The following FGF14 variants were observed in gnomAD, a reference collection of about 807,000 sequenced individuals.
FGF14 encodes the protein fibroblast growth factor homologous factor 4.
FGF14 carries 5 observed loss-of-function variants against 25.5 expected under a neutral mutation model. The ratio of observed to expected loss-of-function variants is 0.20; its 90% confidence interval spans 0.10 to 0.41. The LOEUF is 0.41. FGF14 is among the 10% of genes least tolerant of loss of function. The probability of loss-of-function intolerance (pLI) is 1.00; values close to 1 mark genes in which losing one functional copy is unlikely to be tolerated. For synonymous variants in FGF14, 138 were observed against 118.3 expected (o/e 1.17, Z -1.08); for missense variants, 222 against 320.1 (o/e 0.69, Z 2.34).
chr13:102,166,718 G>A (rs1343178413), intron 1 of FGF14, among the ~76,000 whole-genome samples: 1 of 152,148 alleles, frequency 6.6e-6, no homozygotes, highest in Non-Finnish European at 1.5e-5. Context: ...CGCTGGTCAT[G>A]AGTTCAATGC....
intron 3 of FGF14, among the ~76,000 whole-genome samples, chr13:101,750,561 A>G (rs967786222): frequency 6.6e-6 from 1 of 152,198 alleles, no homozygotes; most frequent in Non-Finnish European, 1.5e-5. Context: ...AATATTGTGA[A>G]TAACAGGAGT....
rs2033578702 is a variant in FGF14 at position 101,916,933 on chromosome 13, G to A, written c.-288C>T. On this transcript the variant is annotated 5_prime_UTR_variant, in exon 1 of 5. Transcript: ENST00000376143. ...CTTGGCCACGTCCGAGTGGAGAGCGGGACCGCGGCTGCGGGCGCTGCTGGT... is the reference window on the plus strand; with the variant it reads ...CTTGGCCACGTCCGAGTGGAGAGCGAGACCGCGGCTGCGGGCGCTGCTGGT... Among the ~76,000 whole-genome samples, 1 of 151,974 alleles carries A rather than the reference G, an allele frequency of 6.6e-6. No homozygotes were observed. The highest frequency in any genetic ancestry group is 2.4e-5 in the African/African-American group (1 of 41,442).
chr13:101,777,882 T>G (rs986485002), intron 3 of FGF14, among the ~76,000 whole-genome samples: 1 of 152,030 alleles, frequency 6.6e-6, no homozygotes, highest in African/African-American at 2.4e-5. Context: ...GAGAATCGCT[T>G]GAACCCAGGA....
intron 1 of FGF14, among the ~76,000 whole-genome samples, chr13:102,257,337 C>CTTTTATTTTT (rs2052492542): frequency 1.2e-4 from 3 of 25,016 alleles, no homozygotes; most frequent in East Asian, 2.2e-3. Context: ...CATTTCCTTT[C>CTTTTATTTTT]TTTTCTTTTT....
intron 1 of FGF14, among the ~76,000 whole-genome samples, chr13:102,226,993 C>T (rs925956753): frequency 6.6e-6 from 1 of 152,060 alleles, no homozygotes; most frequent in Non-Finnish European, 1.5e-5. Context: ...ATTTCCTCCC[C>T]CAATATACAT....
chr13:101,928,024 TA>T (rs930327620), intron 1 of FGF14, among the ~76,000 whole-genome samples: 3 of 151,858 alleles, frequency 2.0e-5, no homozygotes, highest in African/African-American at 7.3e-5. Context: ...TCAAAATATC[TA>T]AAAAAAATAG....
chr13:101,752,865 A>T (rs1183161626), intron 3 of FGF14, among the ~76,000 whole-genome samples: 1 of 152,214 alleles, frequency 6.6e-6, no homozygotes, highest in African/African-American at 2.4e-5. Context: ...TTGGAAAAAG[A>T]AAATAGTTTC....
intron 1 of FGF14, among the ~76,000 whole-genome samples, chr13:102,084,265 A>C (rs781765098): frequency 3.9e-5 from 6 of 152,080 alleles, no homozygotes; most frequent in Admixed American, 6.6e-5. Context: ...ATTTTTTAAC[A>C]TACTCTATTG....
At chr13:102,010,986 G>A (rs559622970) in intron 1 of FGF14, among the ~76,000 whole-genome samples, 1 of 152,122 alleles carries the variant, frequency 6.6e-6, no homozygotes, top group Non-Finnish European at 1.5e-5. Context: ...TAAGAACTGA[G>A]TATATTTAGA....
intron 1 of FGF14, among the ~76,000 whole-genome samples, chr13:102,239,087 C>A (rs201287625): frequency 1.4e-5 from 2 of 142,864 alleles, no homozygotes; most frequent in South Asian, 4.5e-4. Flanking sequence ...TAAAAAAAAA[C>A]AAAAAACAAA....
intron 3 of FGF14, among the ~76,000 whole-genome samples, chr13:101,739,728 G>C (rs2036420811): frequency 6.6e-6 from 1 of 152,130 alleles, no homozygotes; most frequent in Admixed American, 6.5e-5. Flanking sequence ...TGAAACCAGT[G>C]GTCACATTAA....
rs2044823569 is a variant in FGF14, at chr13:101,868,004, T to G, written c.408+721A>C. On this transcript the variant is annotated intron_variant, in intron 3 of 4. Coordinates refer to ENST00000376143, the MANE Select transcript of FGF14 (RefSeq NM_004115.4). ...GTGGTGATATTTAACAATGACAGAG[T>G]TTCAACGAATTTACATGAGGATGAC... is the stretch of plus-strand genomic sequence containing the variant. Among the ~76,000 whole-genome samples the G allele has an allele frequency of 2.0e-5, 3 of 151,312 alleles. No homozygotes were observed. In the South Asian group the frequency reaches 6.3e-4, roughly 32 times the overall value.
chr13:101,836,830 T>C (rs1289674095), intron 3 of FGF14, among the ~76,000 whole-genome samples: 1 of 152,050 alleles, frequency 6.6e-6, no homozygotes, highest in Non-Finnish European at 1.5e-5. Context: ...GCCTAATTAG[T>C]TCACCATTTT....
chr13:102,266,603 TAAAG>T lies in FGF14; in HGVS notation c.208+134864_208+134867del, dbSNP rs368662278. 1.8e-3 allele frequency among the ~76,000 whole-genome samples: 280 copies of T among 152,164 alleles called. 2 individuals are homozygous for T. The highest frequency in any genetic ancestry group is 6.3e-3 in the African/African-American group (260 of 41,536). On this transcript the variant is annotated intron_variant, in intron 1 of 4. Transcript: ENST00000376131. ...GCAAATTTATATCAAATGATATTCT[TAAAG>T]AATATAAAGAAAACATGCAACATGG...
chr13:102,220,826 G>GGCTCT (rs768568748), intron 1 of FGF14, among the ~76,000 whole-genome samples: 36 of 152,246 alleles, frequency 2.4e-4, no homozygotes, highest in Non-Finnish European at 4.1e-4. Flanking sequence ...CAGCCCGGCT[G>GGCTCT]GCTCTTACTC....
intron 1 of FGF14, among the ~76,000 whole-genome samples, chr13:102,188,289 A>G (rs1237539969): frequency 1.3e-5 from 2 of 152,216 alleles, no homozygotes; most frequent in Non-Finnish European, 2.9e-5. Flanking sequence ...TGGGAAAAAA[A>G]CAATTTCAAC....
chr13:102,283,264 G>A (rs1187336999), intron 1 of FGF14, among the ~76,000 whole-genome samples: 1 of 152,202 alleles, frequency 6.6e-6, no homozygotes, highest in Non-Finnish European at 1.5e-5. Context: ...ATCACAACTA[G>A]CTACAAGGGA....
rs61685228 is a variant in FGF14, at chr13:102,364,821, G to A, written c.208+36650C>T. ...GTTGAGCATCAGCACACAACACAGCGCAAAAACAACTGTCTATGGGAGAAA... is the reference window on the plus strand; with the variant it reads ...GTTGAGCATCAGCACACAACACAGCACAAAAACAACTGTCTATGGGAGAAA... On this transcript the variant is annotated intron_variant, in intron 1 of 4. Coordinates refer to the FGF14 transcript ENST00000376131. Among the ~76,000 whole-genome samples the A allele has an allele frequency of 7.7e-3, 1,174 of 152,198 alleles. 17 individuals are homozygous for A. Among genetic ancestry groups the A allele is most frequent in the African/African-American group, 0.027 (1,118 of 41,530 alleles).
chr13:102,338,897 G>C (rs2056867659), intron 1 of FGF14, among the ~76,000 whole-genome samples: 1 of 151,734 alleles, frequency 6.6e-6, no homozygotes, highest in Admixed American at 6.6e-5. Context: ...TGTAATCCCA[G>C]ATACTCGGGA....
Sources: allele counts gnomAD v4.1 joint callset (sites outside exome capture counted in the v4.1 genomes callset), GRCh38; gene constraint gnomAD v4.1.1; transcripts MANE v1.5; gene names NCBI Gene and HGNC (gene_info 2026-07-23, HGNC 2026-07-21).